The following GOSR2 variants were observed in gnomAD, a reference collection of about 807,000 sequenced individuals.
GOSR2 encodes the protein golgi SNAP receptor complex member 2, also known as 27 kDa Golgi SNARE protein.
GOSR2 carries 20 observed loss-of-function variants against 27.9 expected under a neutral mutation model. The observed-to-expected ratio is 0.72, with a 90% confidence interval of 0.50 to 1.04. The LOEUF (loss-of-function observed/expected upper bound fraction) is 1.04, where lower values mean the gene tolerates loss of function less well. GOSR2 is among the 50% of genes least tolerant of loss of function. GOSR2 has a pLI of 0.00. For missense variants in GOSR2, 261 were observed against 270.5 expected (o/e 0.97, Z 0.25); for synonymous variants, 91 against 98.8 (o/e 0.92, Z 0.47).
At chr17:46,936,577 G>C in intron 5 of GOSR2, 1 of 985,566 alleles carries the variant, frequency 1.0e-6, no homozygotes, top group Non-Finnish European at 1.2e-6. Context: ...GAACATAGGA[G>C]AGGGCATGAA....
At chr17:46,974,036 G>T (rs2091420703) in intron 6 of GOSR2, among the ~76,000 whole-genome samples, 1 of 152,234 alleles carries the variant, frequency 6.6e-6, no homozygotes, top group African/African-American at 2.4e-5. Context: ...AGACAAGTAA[G>T]TAAGAAAGTA....
At chr17:46,932,272 G>A (rs577814548) in intron 4 of GOSR2, 73 bp downstream of exon 4, 78 of 1,572,134 alleles carry the variant, frequency 5.0e-5, no homozygotes, top group Non-Finnish European at 6.4e-5. Flanking sequence ...ATCTCTGAGC[G>A]CCATCTGTTT....
chr17:46,975,702 G>A (rs1336809673), downstream of GOSR2, among the ~76,000 whole-genome samples: 3 of 152,108 alleles, frequency 2.0e-5, no homozygotes, highest in Admixed American at 1.3e-4. Context: ...CTCACACCAT[G>A]TGCCCACGTG....
chr17:46,923,417 G>T, intron 1 of GOSR2, 196 bp downstream of exon 1: 1 of 1,437,336 alleles, frequency 7.0e-7, no homozygotes, highest in Non-Finnish European at 9.1e-7. Flanking sequence ...TTCAGGCTGG[G>T]GCCTGGAGAC....
In GOSR2 at chr17:46,940,966, G is replaced by T; in HGVS notation, c.*2206G>T. ...CAGTGTGACTCTCTCCACCGCCTCA[G>T]TGTAGGGAAGGGTCCAGGCCAGGGA... On this transcript the variant is annotated 3_prime_UTR_variant, in exon 6 of 6. Coordinates refer to ENST00000640051, the MANE Select transcript of GOSR2 (RefSeq NM_004287.5). 1 of 1,225,856 alleles carries T rather than the reference G, an allele frequency of 8.2e-7. No homozygotes were observed. The highest frequency in any genetic ancestry group is 3.5e-5 in the Admixed American group (1 of 28,426). 75.9% of individuals were successfully genotyped at this position (1,225,856 alleles called of 1,614,324 possible).
At position 46,923,169 on chromosome 17, in the gene GOSR2, G is replaced by T. The variant is rs1431192015; in HGVS notation, c.-24G>T. On this transcript the variant is annotated 5_prime_UTR_variant, in exon 1 of 6. Transcript: ENST00000640051. Reference sequence around the variant, plus strand: ...GTGTTCCGAGGAAGCCAGAGCCGGAGCCGTGGCCTGCGGGGCCGGCGACAT... The same window carrying T: ...GTGTTCCGAGGAAGCCAGAGCCGGATCCGTGGCCTGCGGGGCCGGCGACAT... The T allele has an allele frequency of 2.0e-6, 3 of 1,482,556 alleles. No individual in the cohort carries two copies. The highest frequency in any genetic ancestry group is 1.8e-6 in the Non-Finnish European group (2 of 1,084,378). 91.8% of individuals were successfully genotyped at this position (1,482,556 alleles called of 1,614,324 possible). A position where few individuals can be genotyped will look rare whatever the true frequency, so the allele number is the denominator to read the frequency against.
downstream of GOSR2, chr17:46,968,623 T>G (rs1220913495): frequency 1.3e-5 from 2 of 152,464 alleles, no homozygotes; most frequent in East Asian, 3.8e-4. Context: ...GAGAACTTAG[T>G]TGGCTTGCTC....
At position 46,940,953 on chromosome 17, in the gene GOSR2, C is replaced by T. The variant is rs888149319; in HGVS notation, c.*2193C>T. 6 of 1,243,056 alleles carry T rather than the reference C, an allele frequency of 4.8e-6. No individual in the cohort carries two copies. Among genetic ancestry groups the T allele is most frequent in the Non-Finnish European group, 6.1e-6 (6 of 978,354 alleles). The allele number at this position is 1,243,056 out of a possible 1,614,324, so 77.0% of individuals were successfully genotyped here. A position where few individuals can be genotyped will look rare whatever the true frequency, so the allele number is the denominator to read the frequency against. On this transcript the variant is annotated 3_prime_UTR_variant, in exon 6 of 6. Coordinates refer to ENST00000640051, the MANE Select transcript of GOSR2 (RefSeq NM_004287.5). ...GACCTTGGCCTAACAGTGTGACTCT[C>T]TCCACCGCCTCAGTGTAGGGAAGGG...
intron 6 of GOSR2, among the ~76,000 whole-genome samples, chr17:46,951,786 C>T (rs1426185501): frequency 6.6e-6 from 1 of 152,140 alleles, no homozygotes; most frequent in African/African-American, 2.4e-5. Context: ...AAAAATGGCC[C>T]AGGGTGGGAG....
intron 6 of GOSR2, among the ~76,000 whole-genome samples, chr17:46,953,192 C>T (rs1240631840): frequency 6.6e-6 from 1 of 151,832 alleles, no homozygotes. Flanking sequence ...TGCTATCCCT[C>T]CCCACTCCCC....
At chr17:46,937,200 A>T (rs1219973731) in intron 5 of GOSR2, 2 of 152,182 alleles carry the variant, frequency 1.3e-5, no homozygotes, top group African/African-American at 4.8e-5. Flanking sequence ...GTGGTGGGTG[A>T]TGCCATCTAT....
chr17:46,937,689 C>G (rs912047508), intron 5 of GOSR2: 12 of 152,208 alleles, frequency 7.9e-5, no homozygotes, highest in Non-Finnish European at 1.6e-4. Context: ...TCATGCTACT[C>G]TTTTCTATGT....
Position 46,938,603 on chromosome 17 carries a change from C to T in GOSR2, c.482C>T (p.Thr161Ile). ...TTCTGTTCTCTTCTGCCCCAGGGGA[C>T]TCAGAAGAAGATCCTTGACATTGCC... is the stretch of plus-strand genomic sequence containing the variant. Reference protein sequence around the residue: ...LRTQRLTLKGTQKKILDIANM... With the variant: ...LRTQRLTLKGIQKKILDIANM... Residue 161 changes from threonine to isoleucine, a missense_variant, in exon 6 of 6, where the codon ACT (threonine) becomes ATT (isoleucine). Coordinates refer to ENST00000640051, the MANE Select transcript of GOSR2 (RefSeq NM_004287.5). 1.2e-6 allele frequency: 2 copies of T among 1,613,248 alleles called. No homozygotes were observed. Among genetic ancestry groups the T allele is most frequent in the East Asian group, 2.2e-5 (1 of 44,858 alleles).
intron 1 of GOSR2, among the ~76,000 whole-genome samples, chr17:46,927,871 G>A (rs533804124): frequency 5.3e-5 from 8 of 151,686 alleles, no homozygotes; most frequent in Admixed American, 1.3e-4. Context: ...GTCACTGTTC[G>A]TGTTGATCAT....
intron 6 of GOSR2, among the ~76,000 whole-genome samples, chr17:46,957,692 A>G (rs919413454): frequency 3.0e-4 from 45 of 152,340 alleles, no homozygotes; most frequent in Admixed American, 2.2e-3. Flanking sequence ...CAAACAGGAC[A>G]TGAAGGAAGA....
chr17:46,941,028 A>G lies in GOSR2; in HGVS notation c.*2268A>G. ...CTAGTGGAGGCGGGGGTGAATTCTT[A>G]GGTCGAGCTGATGCAAGAAACTCCG... On this transcript the variant is annotated 3_prime_UTR_variant, in exon 6 of 6. Transcript: ENST00000640051. 1 of 1,097,846 alleles carries G rather than the reference A, an allele frequency of 9.1e-7. No homozygotes were observed. Among genetic ancestry groups the G allele is most frequent in the Non-Finnish European group, 1.1e-6 (1 of 896,178 alleles). The allele number at this position is 1,097,846 out of a possible 1,614,324, so 68.0% of individuals were successfully genotyped here.
downstream of GOSR2, among the ~76,000 whole-genome samples, chr17:46,946,970 C>T (rs1254419196): frequency 6.6e-6 from 1 of 152,188 alleles, no homozygotes; most frequent in Non-Finnish European, 1.5e-5. Context: ...TGAGAGGAGG[C>T]TGCAACTGAC....
Position 46,939,151 on chromosome 17 carries a change from C to G in GOSR2, c.*391C>G. 9.0e-7 allele frequency: 1 copy of G among 1,115,276 alleles called. No homozygotes were observed. Among genetic ancestry groups the G allele is most frequent in the Non-Finnish European group, 1.1e-6 (1 of 902,978 alleles). The allele number at this position is 1,115,276 out of a possible 1,614,324, so 69.1% of individuals were successfully genotyped here. On this transcript the variant is annotated 3_prime_UTR_variant, in exon 6 of 6. Transcript: ENST00000640051. ...CACACCTTGTCACCATCAGGCCTTT[C>G]TGGCTCCTGATAGGGTGGAGCAAAA...
chr17:46,961,298 G>T (rs1371144517), intron 6 of GOSR2, among the ~76,000 whole-genome samples: 2 of 152,178 alleles, frequency 1.3e-5, no homozygotes, highest in Admixed American at 1.3e-4. Flanking sequence ...AGCACTTTGG[G>T]AGGCTGAGGC....
Sources: allele counts gnomAD v4.1 joint callset (sites outside exome capture counted in the v4.1 genomes callset), GRCh38; gene constraint gnomAD v4.1.1; transcripts MANE v1.5; gene names NCBI Gene and HGNC (gene_info 2026-07-23, HGNC 2026-07-21).